Variants in PHYHIPL observed in about 807,000 individuals in gnomAD.
PHYHIPL encodes the protein phytanoyl-CoA 2-hydroxylase interacting protein like, also known as phytanoyl-CoA hydroxylase-interacting protein-like.
PHYHIPL carries 9 observed loss-of-function variants against 33.4 expected under a neutral mutation model. That is an observed-to-expected ratio of 0.27 (90% CI 0.16 to 0.47). The LOEUF (loss-of-function observed/expected upper bound fraction) is 0.47. Among genes scored for constraint, PHYHIPL ranks in the 20% least tolerant of loss-of-function variants. The pLI, the probability that PHYHIPL is intolerant of heterozygous loss-of-function variation, is 0.99. For synonymous variants in PHYHIPL, 153 were observed against 154.1 expected, an observed-to-expected ratio of 0.99 and a Z score of 0.05; for missense variants, 365 against 460.7, an observed-to-expected ratio of 0.79 and a Z score of 1.90.
chr10:59,227,281 A>G (rs542359522), intron 1 of PHYHIPL, among the ~76,000 whole-genome samples: 17 of 152,276 alleles, frequency 1.1e-4, no homozygotes, highest in African/African-American at 3.6e-4. Flanking sequence ...GCTGTGTCAC[A>G]GTGTGGTAGA....
chr10:59,187,520 A>G (rs1838645368), intron 1 of PHYHIPL, among the ~76,000 whole-genome samples: 1 of 152,072 alleles, frequency 6.6e-6, no homozygotes, highest in African/African-American at 2.4e-5. Context: ...CTGTTGATGG[A>G]AATAGTTTCA....
chr10:59,232,941 T>C (rs2393535), intron 1 of PHYHIPL, among the ~76,000 whole-genome samples: 150,051 of 151,890 alleles, frequency 0.99, 74,143 homozygotes, highest in Middle Eastern at 1. Flanking sequence ...TTCTTCCCTG[T>C]TCTTAACTTT....
chr10:59,198,906 G>T (rs1839009746), intron 1 of PHYHIPL, among the ~76,000 whole-genome samples: 1 of 151,970 alleles, frequency 6.6e-6, no homozygotes, highest in Admixed American at 6.6e-5. Flanking sequence ...GGGTTTGTTT[G>T]ATTTTTTTCT....
chr10:59,201,490 T>C (rs1358404173), intron 1 of PHYHIPL, among the ~76,000 whole-genome samples: 3 of 151,962 alleles, frequency 2.0e-5, no homozygotes, highest in Non-Finnish European at 4.4e-5. Flanking sequence ...ATGTGGTCAA[T>C]TTTGGAATAG....
chr10:59,189,602 A>G (rs188780213), intron 1 of PHYHIPL, among the ~76,000 whole-genome samples: 271 of 152,112 alleles, frequency 1.8e-3, no homozygotes, highest in African/African-American at 6.4e-3. Flanking sequence ...AGAACAGGAA[A>G]AAAGGACACA....
intron 1 of PHYHIPL, among the ~76,000 whole-genome samples, chr10:59,200,229 C>T (rs1839057881): frequency 6.6e-6 from 1 of 152,072 alleles, no homozygotes; most frequent in Admixed American, 6.6e-5. Context: ...GAGATACATC[C>T]CATCAATATC....
At chr10:59,196,651 C>A (rs1838928420) in intron 1 of PHYHIPL, among the ~76,000 whole-genome samples, 1 of 151,940 alleles carries the variant, frequency 6.6e-6, no homozygotes, top group African/African-American at 2.4e-5. Flanking sequence ...ATCTCCTGAC[C>A]TTGTGATCCG....
At chr10:59,177,858 G>A (rs1250130873) in intron 1 of PHYHIPL, among the ~76,000 whole-genome samples, 2 of 152,132 alleles carry the variant, frequency 1.3e-5, no homozygotes, top group East Asian at 3.9e-4. Flanking sequence ...TTGGTTGGCC[G>A]AATAATTGTA....
At chr10:59,193,061 C>G (rs1482481398) in intron 1 of PHYHIPL, among the ~76,000 whole-genome samples, 2 of 152,062 alleles carry the variant, frequency 1.3e-5, no homozygotes, top group African/African-American at 4.8e-5. Flanking sequence ...AGTGTTCTTC[C>G]TTCATCTTCC....
intron 4 of PHYHIPL, among the ~76,000 whole-genome samples, chr10:59,242,941 T>TAA (rs1840457445): frequency 6.6e-6 from 1 of 152,166 alleles, no homozygotes; most frequent in African/African-American, 2.4e-5. Flanking sequence ...TTCATGTTGT[T>TAA]AAAGTCAAGA....
At chr10:59,182,301 A>G (rs1231188158) in intron 1 of PHYHIPL, among the ~76,000 whole-genome samples, 1 of 152,134 alleles carries the variant, frequency 6.6e-6, no homozygotes, top group Non-Finnish European at 1.5e-5. Context: ...TATTTTTACT[A>G]TAAAACCTAT....
chr10:59,177,973 T>A (rs1480169733), intron 1 of PHYHIPL, among the ~76,000 whole-genome samples: 1 of 152,184 alleles, frequency 6.6e-6, no homozygotes, highest in Non-Finnish European at 1.5e-5. Flanking sequence ...ATAGAGGTAA[T>A]GATTGTAAAA....
chr10:59,185,308 G>C (rs1838558779), intron 1 of PHYHIPL, among the ~76,000 whole-genome samples: 1 of 152,104 alleles, frequency 6.6e-6, no homozygotes, highest in Non-Finnish European at 1.5e-5. Context: ...CATTTTTTAT[G>C]GCTGCATAGT....
At position 59,193,307 on chromosome 10, in the gene PHYHIPL, A is replaced by G. The variant is rs530670048; in HGVS notation, c.106+16348A>G. ...TTTCTCCCCCTTATTTTGACTGACA[A>G]GAGAACTAAGTGTATGATTATCTGT... On this transcript the variant is annotated intron_variant, in intron 1 of 4. Transcript: ENST00000373880. 2.6e-5 allele frequency among the ~76,000 whole-genome samples: 4 copies of G among 152,294 alleles called. No individual in the cohort carries two copies. The South Asian group carries it at 8.3e-4, about 32-fold the overall frequency.
rs1343304534 is a variant in PHYHIPL at position 59,245,666 on chromosome 10, C to G, written c.*75C>G. On this transcript the variant is annotated 3_prime_UTR_variant, in exon 5 of 5. Coordinates refer to ENST00000373880, the MANE Select transcript of PHYHIPL (RefSeq NM_032439.4). ...TTGGTCCTCTGTTGTCCATTTTTAT[C>G]ACCAGATGTTTTCCACTGAAGCATG... 1 of 1,449,034 alleles carries G rather than the reference C, an allele frequency of 6.9e-7. No homozygotes were observed. Among genetic ancestry groups the G allele is most frequent in the Admixed American group, 2.3e-5 (1 of 43,914 alleles). 89.8% of individuals were successfully genotyped at this position (1,449,034 alleles called of 1,614,324 possible).
At chr10:59,207,155 C>A (rs1839307889) in intron 1 of PHYHIPL, among the ~76,000 whole-genome samples, 1 of 150,756 alleles carries the variant, frequency 6.6e-6, no homozygotes, top group African/African-American at 2.4e-5. Flanking sequence ...AGCATAGGAA[C>A]AGCTCCAGTC....
At chr10:59,192,840 G>A (rs2133202459) in intron 1 of PHYHIPL, among the ~76,000 whole-genome samples, 1 of 152,148 alleles carries the variant, frequency 6.6e-6, no homozygotes, top group East Asian at 1.9e-4. Context: ...TTTAACTGGG[G>A]GGAATATTAA....
intron 1 of PHYHIPL, among the ~76,000 whole-genome samples, chr10:59,216,642 T>C (rs1482771241): frequency 6.6e-6 from 1 of 152,038 alleles, no homozygotes; most frequent in Non-Finnish European, 1.5e-5. Flanking sequence ...AAAGTATCCA[T>C]TGGATTTGCC....
At chr10:59,187,405 A>G (rs1259487586) in intron 1 of PHYHIPL, among the ~76,000 whole-genome samples, 1 of 152,128 alleles carries the variant, frequency 6.6e-6, no homozygotes, top group Non-Finnish European at 1.5e-5. Flanking sequence ...ATGTTCATCA[A>G]GGATATTGGT....
Sources: allele counts gnomAD v4.1 joint callset (sites outside exome capture counted in the v4.1 genomes callset), GRCh38; gene constraint gnomAD v4.1.1; transcripts MANE v1.5; gene names NCBI Gene and HGNC (gene_info 2026-07-23, HGNC 2026-07-21).